Variants in DUSP10 observed in about 807,000 individuals in gnomAD.
The protein encoded by DUSP10 is dual specificity phosphatase 10, also known as dual specificity protein phosphatase 10.
A neutral mutation model predicts 30.8 loss-of-function variants in DUSP10; 14 were observed. That is an observed-to-expected ratio of 0.46 (90% CI 0.30 to 0.71). The LOEUF (loss-of-function observed/expected upper bound fraction) is 0.71, where lower values mean the gene tolerates loss of function less well. DUSP10 is among the 30% of genes least tolerant of loss of function. The pLI, the probability that DUSP10 is intolerant of heterozygous loss-of-function variation, is 0.08. For missense variants in DUSP10, 550 were observed against 619.4 expected, an observed-to-expected ratio of 0.89 and a Z score of 1.19; for synonymous variants, 254 against 250.4, an observed-to-expected ratio of 1.01 and a Z score of -0.14.
intron 2 of DUSP10, among the ~76,000 whole-genome samples, chr1:221,738,627 C>T (rs1301362045): frequency 6.6e-6 from 1 of 152,186 alleles, no homozygotes; most frequent in East Asian, 1.9e-4. Context: ...ACTTGAGATA[C>T]CATCTGGTGT....
At chr1:221,722,866 A>G (rs1661315798) in intron 2 of DUSP10, among the ~76,000 whole-genome samples, 1 of 152,238 alleles carries the variant, frequency 6.6e-6, no homozygotes, top group Non-Finnish European at 1.5e-5. Context: ...AATAAAACAC[A>G]TGGATCTTGG....
At chr1:221,703,275 G>A (rs192488630) in intron 3 of DUSP10, among the ~76,000 whole-genome samples, 7 of 151,292 alleles carry the variant, frequency 4.6e-5, no homozygotes, top group African/African-American at 7.3e-5. Flanking sequence ...TCCAATTTTC[G>A]GTTGTGTGAC....
At position 221,706,169 on chromosome 1, in the gene DUSP10, T is replaced by C; in HGVS notation, c.1109A>G (p.Tyr370Cys). Residue 370 changes from tyrosine to cysteine, a missense_variant, in exon 3 of 4, where the codon TAC becomes TGC. Tyr to Cys is a radical substitution (Grantham distance 194). Coordinates refer to ENST00000366899, the MANE Select transcript of DUSP10 (RefSeq NM_007207.6). The surrounding 1 kb of genome is among the most constrained non-coding windows in gnomAD (Gnocchi z 4.6). ...GCTGTCAGTGGCTGGCAGCCGCTTGTAGTTGAACAGGCCTTTCTCATAGTG... is the reference window on the plus strand; with the variant it reads ...GCTGTCAGTGGCTGGCAGCCGCTTGCAGTTGAACAGGCCTTTCTCATAGTG... ...LYHYEKGLFNYKRLPATDSNK... is the reference protein window; with the variant it reads ...LYHYEKGLFNCKRLPATDSNK... 6.2e-7 allele frequency: 1 copy of C among 1,614,126 alleles called. No individual in the cohort carries two copies. The highest frequency in any genetic ancestry group is 8.5e-7 in the Non-Finnish European group (1 of 1,180,024).
intron 2 of DUSP10, chr1:221,737,246 C>T (rs1387787978): frequency 8.1e-6 from 8 of 985,262 alleles, no homozygotes; most frequent in Non-Finnish European, 9.6e-6. Flanking sequence ...ACACAAAAGA[C>T]TTGCTTTTTA....
intron 2 of DUSP10, among the ~76,000 whole-genome samples, chr1:221,712,777 C>CAAAAAAAAAAAAAAAAAAAAAAA (rs58249338): frequency 1.8e-5 from 1 of 56,950 alleles, no homozygotes; most frequent in African/African-American, 7.9e-5. Context: ...TATAAAGCAG[C>CAAAAAAAAAAAAAAAAAAAAAAA]AAAAAAAAAA....
intron 2 of DUSP10, among the ~76,000 whole-genome samples, chr1:221,718,806 A>G (rs772322173): frequency 2.0e-5 from 3 of 152,238 alleles, no homozygotes; most frequent in African/African-American, 2.4e-5. Context: ...ATGTTTCCCA[A>G]TGGGATTTAA....
At chr1:221,715,470 C>G (rs118091785) in intron 2 of DUSP10, among the ~76,000 whole-genome samples, 5 of 152,310 alleles carry the variant, frequency 3.3e-5, no homozygotes, top group Admixed American at 6.5e-5. Flanking sequence ...GTTCCTACCC[C>G]CTGAAGGGAG....
rs1320664375 is a variant in DUSP10, at chr1:221,706,028, A to G, written c.1183+67T>C. Reference sequence around the variant, plus strand: ...AACACAGGAATAAACCTTGAACTTGATATCAAAGCAAGAGCTGGAGGGAAA... The same window carrying G: ...AACACAGGAATAAACCTTGAACTTGGTATCAAAGCAAGAGCTGGAGGGAAA... On this transcript the variant is annotated intron_variant, in intron 3 of 3. Transcript: ENST00000366899. The surrounding 1 kb of genome is among the most constrained non-coding windows in gnomAD (Gnocchi z 4.6). The G allele has an allele frequency of 2.6e-6, 4 of 1,551,446 alleles. No individual in the cohort carries two copies. Among genetic ancestry groups the G allele is most frequent in the Non-Finnish European group, 1.7e-6 (2 of 1,149,570 alleles).
chr1:221,738,549 G>A (rs568966519), intron 2 of DUSP10, among the ~76,000 whole-genome samples: 2 of 152,306 alleles, frequency 1.3e-5, no homozygotes, highest in African/African-American at 4.8e-5. Context: ...ATCAACATTG[G>A]TTAAGTCTGA....
intron 2 of DUSP10, among the ~76,000 whole-genome samples, chr1:221,724,390 T>C (rs996841231): frequency 6.6e-6 from 1 of 152,180 alleles, no homozygotes; most frequent in Non-Finnish European, 1.5e-5. Context: ...AACAAACAGG[T>C]AAAATATTGC....
intron 3 of DUSP10, among the ~76,000 whole-genome samples, chr1:221,705,291 A>G (rs1660722291): frequency 1.3e-5 from 2 of 151,926 alleles, no homozygotes; most frequent in Admixed American, 6.6e-5. Flanking sequence ...GTATTTTTTT[A>G]GTAGAGATGG....
intron 2 of DUSP10, among the ~76,000 whole-genome samples, chr1:221,728,790 G>A (rs1160441453): frequency 1.3e-5 from 2 of 152,150 alleles, no homozygotes; most frequent in Non-Finnish European, 2.9e-5. Flanking sequence ...ATTCTTTCTT[G>A]TTCTTTTTAC....
chr1:221,727,575 G>C (rs1042337330), intron 2 of DUSP10, among the ~76,000 whole-genome samples: 4 of 152,162 alleles, frequency 2.6e-5, no homozygotes, highest in Admixed American at 6.5e-5. Context: ...CATAGAGTAA[G>C]TGAATGCTTG....
intron 2 of DUSP10, among the ~76,000 whole-genome samples, chr1:221,707,735 G>A (rs1011647778): frequency 2.6e-5 from 4 of 152,048 alleles, no homozygotes; most frequent in Non-Finnish European, 4.4e-5. Context: ...TTCATTCCAC[G>A]GAGTATTATG....
At chr1:221,712,231 G>C (rs944959339) in intron 2 of DUSP10, among the ~76,000 whole-genome samples, 1 of 152,110 alleles carries the variant, frequency 6.6e-6, no homozygotes, top group Non-Finnish European at 1.5e-5. Flanking sequence ...AATTGTCTTA[G>C]GATCTTGCCC....
intron 2 of DUSP10, among the ~76,000 whole-genome samples, chr1:221,726,270 A>AGTTG (rs1661421472): frequency 6.6e-6 from 1 of 152,246 alleles, no homozygotes; most frequent in Non-Finnish European, 1.5e-5. Flanking sequence ...TTGGGTGGGA[A>AGTTG]GGTGGAGAAA....
rs117683324 is a variant in DUSP10, at chr1:221,703,711, G to C, written c.1184-1034C>G. ...ATAGCATGTGGGCACTACCTGAACA[G>C]ATTCTTAATGACATTTCTAGACTCT... On this transcript the variant is annotated intron_variant, in intron 3 of 3. Transcript: ENST00000366899. Among the ~76,000 whole-genome samples, 55 of 152,304 alleles carry C rather than the reference G, an allele frequency of 3.6e-4. No individual in the cohort carries two copies. In the East Asian group the frequency reaches 0.01, roughly 28 times the overall value.
intron 2 of DUSP10, among the ~76,000 whole-genome samples, chr1:221,737,827 G>T (rs945910007): frequency 6.6e-6 from 1 of 151,872 alleles, no homozygotes; most frequent in Non-Finnish European, 1.5e-5. Context: ...TAACTAACTT[G>T]CTCACCCACA....
chr1:221,736,870 G>A (rs1368688597), intron 2 of DUSP10: 14 of 985,276 alleles, frequency 1.4e-5, no homozygotes, highest in Admixed American at 6.1e-5. Context: ...CTTCCAAGTC[G>A]ACTGCCGCGG....
Sources: gnomAD v4.1 joint callset for allele counts (sites outside exome capture counted in the v4.1 genomes callset) on GRCh38, gnomAD v4.1.1 for gene constraint, Gnocchi (gnomAD v3.1) non-coding constraint, MANE v1.5 for transcripts, NCBI Gene and HGNC (gene_info 2026-07-23, HGNC 2026-07-21) for gene names.